DNAH2: variants seen among roughly 807,000 people sequenced by gnomAD.
DNAH2 encodes the protein axonemal beta dynein heavy chain 2.
Under a neutral mutation model 523.5 loss-of-function variants are expected in DNAH2, and 323 were observed. The observed-to-expected ratio is 0.62, with a 90% CI of 0.56 to 0.68. DNAH2 has a LOEUF of 0.68. Ranked by LOEUF, DNAH2 falls within the 30% of genes least tolerant of loss-of-function variation. The probability of loss-of-function intolerance (pLI) is 0.00; values close to 1 mark genes in which losing one functional copy is unlikely to be tolerated. For synonymous variants in DNAH2, 2,093 were observed against 2,177.4 expected (o/e 0.96, Z 1.08); for missense variants, 4,907 against 5,701.5 (o/e 0.86, Z 4.49).
At chr17:7,755,438 C>T (rs2075809850) in intron 12 of DNAH2, among the ~76,000 whole-genome samples, 1 of 151,668 alleles carries the variant, frequency 6.6e-6, no homozygotes, top group Non-Finnish European at 1.5e-5. Context: ...GAGGTTTAGA[C>T]TAAAGAATGA....
At position 7,759,087 on chromosome 17, in the gene DNAH2, C is replaced by T. The variant is rs1327941582; in HGVS notation, c.2411C>T (p.Thr804Ile). Residue 804 changes from threonine to isoleucine, a missense_variant, in exon 15 of 86, where the codon ACC becomes ATC. Thr to Ile is a moderately conservative substitution (Grantham distance 89). This residue lies in a region of DNAH2 where 2,806 missense variants were observed against 3,190.8 expected (regional missense o/e 0.88). Transcript: ENST00000572933. ...NLHQDVVTIMTNSYEVFKNDG... is the reference protein window; with the variant it reads ...NLHQDVVTIMINSYEVFKNDG... ...CACCAGGATGTGGTGACCATCATGA[C>T]CAACTCCTATGAGGTCTTCAAGAAT... 3 of 1,614,154 alleles carry T rather than the reference C, an allele frequency of 1.9e-6. No individual in the cohort carries two copies. Among genetic ancestry groups the T allele is most frequent in the Non-Finnish European group, 2.5e-6 (3 of 1,180,028 alleles).
At chr17:7,826,705 AT>A (rs1290749567) in intron 77 of DNAH2, among the ~76,000 whole-genome samples, 1 of 151,588 alleles carries the variant, frequency 6.6e-6, no homozygotes, top group Non-Finnish European at 1.5e-5. Context: ...CACCTGGCTA[AT>A]TTTTGTATTT....
rs757068321 is a variant in DNAH2 at position 7,759,797 on chromosome 17, T to A, written c.2644T>A (p.Phe882Ile). The A allele has an allele frequency of 6.2e-7, 1 of 1,614,164 alleles. No homozygotes were observed. The highest frequency in any genetic ancestry group is 8.5e-7 in the Non-Finnish European group (1 of 1,180,004). ...DLQGSVAQVE[F>I]SPTLQTLAGV... ...TCCACTGGGTTCCTCACAGGTGGAA[T>A]TCTCACCCACTCTGCAGACTTTGGC... Residue 882 changes from phenylalanine to isoleucine, a missense_variant, in exon 17 of 86, where the codon TTC becomes ATC. Phe to Ile is a conservative substitution (Grantham distance 21). Around this residue, in one of 3 missense-constraint regions of DNAH2, gnomAD observed 2,806 missense variants for 3,190.8 expected, o/e 0.88. Coordinates refer to ENST00000572933, the MANE Select transcript of DNAH2 (RefSeq NM_020877.5).
intron 73 of DNAH2, 49 bp from the exon 74 acceptor site, chr17:7,823,393 T>C (rs766548176): frequency 1.7e-5 from 26 of 1,566,118 alleles, no homozygotes; most frequent in Admixed American, 8.6e-5. Flanking sequence ...CACTCTTCTT[T>C]TGAAGTATTC....
At chr17:7,755,162 G>GAGGGCAAC (rs1486185491) in intron 12 of DNAH2, among the ~76,000 whole-genome samples, 1 of 152,220 alleles carries the variant, frequency 6.6e-6, no homozygotes, top group African/African-American at 2.4e-5. Flanking sequence ...TTTCTGCAGA[G>GAGGGCAAC]AGGGCAACAG....
At chr17:7,793,454 TC>T (rs2076961612) in intron 48 of DNAH2, among the ~76,000 whole-genome samples, 1 of 83,776 alleles carries the variant, frequency 1.2e-5, no homozygotes, top group Non-Finnish European at 2.9e-5. Context: ...TCTTTTTCTT[TC>T]TTTCTTTCTT....
intron 39 of DNAH2, among the ~76,000 whole-genome samples, chr17:7,783,812 A>C (rs182403568): frequency 0.02 from 2,997 of 151,780 alleles, 100 homozygotes; most frequent in African/African-American, 0.066. Context: ...AAAAAAAAAA[A>C]ACAAAAAACA....
chr17:7,780,892 C>T lies in DNAH2; in HGVS notation c.6003+110C>T. ...TTCCTCAGATTGGGATTCTCACCTT[C>T]CCACCTCGTCCCATCCCCGTGTTGC... On this transcript the variant is annotated intron_variant, in intron 38 of 85. Coordinates refer to ENST00000572933, the MANE Select transcript of DNAH2 (RefSeq NM_020877.5). This position sits in a 1 kb window ranked among gnomAD's most constrained non-coding sequence, Gnocchi z 4.4. 1.3e-6 allele frequency: 2 copies of T among 1,578,202 alleles called. No individual in the cohort carries two copies. The highest frequency in any genetic ancestry group is 1.7e-6 in the Non-Finnish European group (2 of 1,158,162).
intron 28 of DNAH2, among the ~76,000 whole-genome samples, chr17:7,773,752 C>T (rs1391021722): frequency 2.0e-5 from 3 of 151,586 alleles, no homozygotes; most frequent in African/African-American, 4.8e-5. Flanking sequence ...TTTTTTGAGA[C>T]GGAGTCTCGC....
In DNAH2 at chr17:7,808,476, A is replaced by AT. The variant is rs201150000; in HGVS notation, c.9729+896dup. On this transcript the variant is annotated intron_variant, in intron 63 of 85. Coordinates refer to ENST00000572933, the MANE Select transcript of DNAH2 (RefSeq NM_020877.5). ...CAAAATTCTTCCAGTTTATCATTTG[A>AT]TTTTTTAAATGATTGATTTAATAGG... is the stretch of plus-strand genomic sequence containing the variant. Among the ~76,000 whole-genome samples the AT allele has an allele frequency of 3.9e-5, 6 of 152,220 alleles. No individual in the cohort carries two copies. In the East Asian group the frequency reaches 1.2e-3, roughly 29 times the overall value.
At chr17:7,789,830 G>C (rs574114360) in intron 44 of DNAH2, among the ~76,000 whole-genome samples, 1 of 151,988 alleles carries the variant, frequency 6.6e-6, no homozygotes, top group Non-Finnish European at 1.5e-5. Context: ...CACCCACCTC[G>C]GCCTCCCAAA....
intron 56 of DNAH2, among the ~76,000 whole-genome samples, chr17:7,800,921 G>A (rs2077205659): frequency 6.7e-6 from 1 of 150,192 alleles, no homozygotes; most frequent in African/African-American, 2.4e-5. Flanking sequence ...TGCCCAGGCT[G>A]GAGTGCAGTG....
intron 48 of DNAH2, 62 bp downstream of exon 48, chr17:7,793,267 A>G: frequency 6.5e-7 from 1 of 1,544,448 alleles, no homozygotes; most frequent in Non-Finnish European, 8.8e-7. Flanking sequence ...CTCAGTCCCC[A>G]CTCCACTGGG....
At chr17:7,815,190 G>C (rs2077625604) in intron 63 of DNAH2, among the ~76,000 whole-genome samples, 1 of 152,226 alleles carries the variant, frequency 6.6e-6, no homozygotes, top group Non-Finnish European at 1.5e-5. Flanking sequence ...GGTAGTGCTT[G>C]CTTGCTGTGT....
At chr17:7,764,697 A>G (rs2076106259) in intron 20 of DNAH2, among the ~76,000 whole-genome samples, 1 of 150,930 alleles carries the variant, frequency 6.6e-6, no homozygotes, top group Admixed American at 6.6e-5. Flanking sequence ...CCTGAACTCA[A>G]GCAATCTGCT....
rs756728175 is a variant in DNAH2, at chr17:7,740,489, G to A, written c.1446G>A (p.Val482=). Residue 482 remains valine (V), a synonymous_variant, in exon 10 of 86, where the codon GTG becomes GTA. Coordinates refer to ENST00000572933, the MANE Select transcript of DNAH2 (RefSeq NM_020877.5). The part of the protein sequence containing the change: ...QNLITSAFEL[V]RDVPHGVLLL... ...TGATCACCTCAGCCTTCGAGTTGGTGCGGGACGTGCCGCACGGCGTGCTTC... is the reference window on the plus strand; with the variant it reads ...TGATCACCTCAGCCTTCGAGTTGGTACGGGACGTGCCGCACGGCGTGCTTC... The A allele has an allele frequency of 7.4e-6, 12 of 1,614,082 alleles. No homozygotes were observed. The highest frequency in any genetic ancestry group is 1.7e-5 in the Admixed American group (1 of 60,012).
chr17:7,793,518 C>CTTTCTT (rs1227502000), intron 48 of DNAH2, among the ~76,000 whole-genome samples: 2 of 75,198 alleles, frequency 2.7e-5, no homozygotes, highest in Non-Finnish European at 3.1e-5. Flanking sequence ...TTTCTTTCTT[C>CTTTCTT]TCTTTCTCTT....
rs746232289 is a variant in DNAH2 at position 7,792,067 on chromosome 17, A to G, written c.7051A>G (p.Lys2351Glu). The change falls in exon 45 of 86, where the codon AAG (lysine) becomes GAG (glutamate). Residue 2351 changes from lysine (K) to glutamate (E), a missense_variant and splice_region_variant. Around this residue, in one of 3 missense-constraint regions of DNAH2, gnomAD observed 2,806 missense variants for 3,190.8 expected, o/e 0.88. Coordinates refer to ENST00000572933, the MANE Select transcript of DNAH2 (RefSeq NM_020877.5). ...AGAGATCGAGGGCTCCTTTCCCAAT[A>G]AGGTTGGGCGCACACCTGGCTGTCC... ...LREIEGSFPNKDTVYEYFVDP... is the reference protein window; with the variant it reads ...LREIEGSFPNEDTVYEYFVDP... 4 of 1,611,890 alleles carry G rather than the reference A, an allele frequency of 2.5e-6. No homozygotes were observed. Among genetic ancestry groups the G allele is most frequent in the South Asian group, 1.1e-5 (1 of 90,960 alleles).
chr17:7,727,754 C>CAAAAA lies in DNAH2; in HGVS notation c.399+482_399+486dup, dbSNP rs766811062. On this transcript the variant is annotated intron_variant, in intron 4 of 85. Coordinates refer to ENST00000572933, the MANE Select transcript of DNAH2 (RefSeq NM_020877.5). ...CTGGTGACAGAGAAAGACTCTGTCT[C>CAAAAA]AAAAAAAAAAAAAAAAAAAAAAAAG... 2.7e-3 allele frequency among the ~76,000 whole-genome samples: 134 copies of CAAAAA among 48,938 alleles called. 1 individual carries two copies. The highest frequency in any genetic ancestry group is 4.3e-3 in the African/African-American group (52 of 11,980). 32.1% of individuals were successfully genotyped at this position (48,938 alleles called of 152,430 possible). A position where few individuals can be genotyped will look rare whatever the true frequency, so the allele number is the denominator to read the frequency against.
Sources: allele counts gnomAD v4.1 joint callset (sites outside exome capture counted in the v4.1 genomes callset), GRCh38; gene constraint gnomAD v4.1.1; regional missense constraint gnomAD v4.1.1; non-coding constraint Gnocchi (gnomAD v3.1); transcripts MANE v1.5; gene names NCBI Gene and HGNC (gene_info 2026-07-23, HGNC 2026-07-21).